CNTN1: variants seen among roughly 807,000 people sequenced by gnomAD.
The protein encoded by CNTN1 is contactin 1, also known as contactin-1.
In CNTN1, 38 loss-of-function variants were observed where a neutral mutation model predicts 126.4. The observed-to-expected ratio is 0.30, with a 90% CI of 0.23 to 0.39. CNTN1 has a LOEUF of 0.39. Among genes scored for constraint, CNTN1 ranks in the 10% least tolerant of loss-of-function variants. CNTN1 has a pLI of 1.00. For synonymous variants in CNTN1, 413 were observed against 422.6 expected (o/e 0.98, Z 0.28); for missense variants, 1,009 against 1,248.4 (o/e 0.81, Z 2.89).
intron 1 of CNTN1, among the ~76,000 whole-genome samples, chr12:40,884,664 G>A (rs1035080534): frequency 1.3e-5 from 2 of 151,250 alleles, no homozygotes; most frequent in African/African-American, 4.8e-5. Flanking sequence ...TATATATACA[G>A]CATTAAGTTG....
At chr12:40,743,967 G>A (rs1041317961) in intron 1 of CNTN1, among the ~76,000 whole-genome samples, 6 of 152,012 alleles carry the variant, frequency 3.9e-5, no homozygotes, top group Non-Finnish European at 7.4e-5. Context: ...AAAAAGAATG[G>A]GATCATGTCC....
At chr12:40,927,315 G>A (rs867614114) in intron 6 of CNTN1, among the ~76,000 whole-genome samples, 1 of 152,042 alleles carries the variant, frequency 6.6e-6, no homozygotes, top group Non-Finnish European at 1.5e-5. Flanking sequence ...AAAGAAGATG[G>A]TCTGTTGAGT....
intron 14 of CNTN1, 116 bp from the exon 15 acceptor site, chr12:40,958,998 C>A: frequency 8.1e-7 from 1 of 1,236,510 alleles, no homozygotes; most frequent in Non-Finnish European, 1.2e-6. Context: ...ATGTCTAAAA[C>A]ACATTCTTTA....
intron 1 of CNTN1, among the ~76,000 whole-genome samples, chr12:40,827,423 G>T (rs1941649995): frequency 8.1e-6 from 1 of 122,974 alleles, no homozygotes; most frequent in South Asian, 2.7e-4. Context: ...AATGAGTCCT[G>T]GTAAAAATCT....
chr12:40,721,318 T>C (rs1177712570), intron 1 of CNTN1, among the ~76,000 whole-genome samples: 1 of 152,102 alleles, frequency 6.6e-6, no homozygotes, highest in Admixed American at 6.5e-5. Flanking sequence ...ATGATGACTA[T>C]AAAAATAGGC....
At chr12:40,779,273 C>T (rs911062273) in intron 1 of CNTN1, among the ~76,000 whole-genome samples, 19 of 151,774 alleles carry the variant, frequency 1.3e-4, no homozygotes, top group South Asian at 8.3e-4. Context: ...CAAATTTCCC[C>T]GTCTGTTTGT....
chr12:40,779,554 T>C (rs1939712413), intron 1 of CNTN1, among the ~76,000 whole-genome samples: 1 of 151,886 alleles, frequency 6.6e-6, no homozygotes, highest in Middle Eastern at 3.2e-3. Context: ...TGGCCAGGGA[T>C]TGAACCTTAA....
At chr12:40,738,312 CTGTT>C in intron 1 of CNTN1, among the ~76,000 whole-genome samples, 1 of 152,040 alleles carries the variant, frequency 6.6e-6, no homozygotes, top group Non-Finnish European at 1.5e-5. Context: ...GGGAAAATTG[CTGTT>C]TTATTTTGGG....
At chr12:40,858,388 GA>G (rs1343311208) in intron 1 of CNTN1, among the ~76,000 whole-genome samples, 1 of 151,824 alleles carries the variant, frequency 6.6e-6, no homozygotes, top group African/African-American at 2.4e-5. Context: ...CAAACAATAT[GA>G]AAAAAAGCTG....
chr12:40,800,698 C>A (rs186637525), intron 1 of CNTN1, among the ~76,000 whole-genome samples: 4 of 152,036 alleles, frequency 2.6e-5, no homozygotes, highest in South Asian at 2.1e-4. Context: ...ATCTGGCAGT[C>A]GTCTCCACAT....
intron 1 of CNTN1, among the ~76,000 whole-genome samples, chr12:40,869,586 A>C (rs1943418220): frequency 6.6e-6 from 1 of 152,058 alleles, no homozygotes; most frequent in Non-Finnish European, 1.5e-5. Context: ...CCTTTTTTAT[A>C]TACATATATT....
intron 1 of CNTN1, among the ~76,000 whole-genome samples, chr12:40,875,102 A>G (rs574477157): frequency 6.6e-6 from 1 of 152,306 alleles, no homozygotes; most frequent in South Asian, 2.1e-4. Flanking sequence ...ACACTTAAAT[A>G]TAATGACTCA....
intron 14 of CNTN1, among the ~76,000 whole-genome samples, chr12:40,949,376 A>C: frequency 6.7e-6 from 1 of 149,986 alleles, no homozygotes; most frequent in East Asian, 2.0e-4. Flanking sequence ...GCACCCACTA[A>C]CTCGTCATCT....
At chr12:41,032,514 A>T (rs1949169494) in intron 23 of CNTN1, among the ~76,000 whole-genome samples, 1 of 151,980 alleles carries the variant, frequency 6.6e-6, no homozygotes, top group Non-Finnish European at 1.5e-5. Context: ...CTCTGTTGAC[A>T]TTTCTCTTCT....
At chr12:41,059,305 C>T (rs1181265687) in intron 23 of CNTN1, among the ~76,000 whole-genome samples, 2 of 152,090 alleles carry the variant, frequency 1.3e-5, no homozygotes, top group East Asian at 1.9e-4. Context: ...GAACTTTTTG[C>T]CCCAGTTTTA....
intron 1 of CNTN1, among the ~76,000 whole-genome samples, chr12:40,758,626 T>A (rs1938706026): frequency 6.6e-6 from 1 of 152,170 alleles, no homozygotes; most frequent in African/African-American, 2.4e-5. Context: ...AAACTTCAAA[T>A]ATGTACAAAA....
chr12:40,842,705 T>A (rs549643596), intron 1 of CNTN1, among the ~76,000 whole-genome samples: 1 of 152,256 alleles, frequency 6.6e-6, no homozygotes, highest in African/African-American at 2.4e-5. Context: ...TTCATCTTTG[T>A]ATTCCTAGTG....
chr12:40,930,994 A>G (rs1422710404), intron 7 of CNTN1, among the ~76,000 whole-genome samples: 1 of 151,882 alleles, frequency 6.6e-6, no homozygotes. Flanking sequence ...GCAATTCAGC[A>G]CTTCTATTTA....
chr12:40,739,830 A>C (rs546544915), intron 1 of CNTN1, among the ~76,000 whole-genome samples: 1 of 152,214 alleles, frequency 6.6e-6, no homozygotes, highest in African/African-American at 2.4e-5. Context: ...ACAAAGGAGA[A>C]ACCATATTGA....
Sources: allele counts gnomAD v4.1 joint callset (sites outside exome capture counted in the v4.1 genomes callset), GRCh38; gene constraint gnomAD v4.1.1; transcripts MANE v1.5; gene names NCBI Gene and HGNC (gene_info 2026-07-23, HGNC 2026-07-21).